The following GARIN5B variants were observed in gnomAD, a reference collection of about 807,000 sequenced individuals.
GARIN5B encodes Golgi-associated RAB2 interactor protein 5B.
the GARIN5B span, chr19:55,362,706 G>A: frequency 2.7e-5 from 41 of 1,539,386 alleles, no homozygotes; most frequent in South Asian, 2.1e-4. Flanking sequence ...TGTGATTCAC[G>A]AACACTGGGC....
chr19:55,357,487 C>T, the GARIN5B span, among the ~76,000 whole-genome samples: 17 of 152,314 alleles, frequency 1.1e-4, no homozygotes, highest in African/African-American at 2.4e-4. Flanking sequence ...CTGTTCCTTC[C>T]GCTGGGATGC....
the GARIN5B span, chr19:55,355,334 G>T: frequency 6.4e-7 from 1 of 1,550,612 alleles, no homozygotes; most frequent in Non-Finnish European, 8.7e-7. Flanking sequence ...GGAGTGCTGG[G>T]AGTGCTGCAG....
chr19:55,359,719 T>C, the GARIN5B span: 1 of 1,551,404 alleles, frequency 6.4e-7, no homozygotes, highest in Non-Finnish European at 8.7e-7. Flanking sequence ...GCCCGGCCTT[T>C]TCCCTGCCCC....
chr19:55,360,069 A>G, the GARIN5B span: 2 of 1,274,204 alleles, frequency 1.6e-6, no homozygotes, highest in African/African-American at 1.5e-5. Flanking sequence ...CTCCTCCCTC[A>G]GACTCAGGAG....
chr19:55,360,889 G>C, the GARIN5B span: 1 of 1,544,264 alleles, frequency 6.5e-7, no homozygotes, highest in Non-Finnish European at 8.8e-7. Context: ...CTGTCGGGGC[G>C]GGGGTCTGAG....
the GARIN5B span, chr19:55,361,094 G>A: frequency 2.6e-5 from 41 of 1,551,112 alleles, no homozygotes; most frequent in East Asian, 1.5e-4. Context: ...TTGAAACTGC[G>A]CTTGAGCGCC....
At chr19:55,362,163 C>T in the GARIN5B span, 3 of 1,434,496 alleles carry the variant, frequency 2.1e-6, no homozygotes, top group Non-Finnish European at 2.7e-6. Context: ...AGACTTTGGG[C>T]TCTTGGTCGC....
the GARIN5B span, chr19:55,362,526 T>G: frequency 2.0e-6 from 3 of 1,527,490 alleles, no homozygotes; most frequent in Non-Finnish European, 2.6e-6. Flanking sequence ...GAGGGGAGCG[T>G]CTAGAGCAGG....
the GARIN5B span, chr19:55,359,266 G>T: frequency 1.9e-6 from 3 of 1,550,944 alleles, no homozygotes; most frequent in African/African-American, 1.4e-5. Flanking sequence ...TCTGGGATGG[G>T]GCAGGGAGGA....
chr19:55,356,086 C>G, the GARIN5B span, among the ~76,000 whole-genome samples: 3 of 151,984 alleles, frequency 2.0e-5, no homozygotes, highest in African/African-American at 7.3e-5. Context: ...GATCACACCG[C>G]TGCACTCTAG....
chr19:55,360,833 G>A, the GARIN5B span: 4 of 1,548,108 alleles, frequency 2.6e-6, no homozygotes, highest in Non-Finnish European at 3.5e-6. Flanking sequence ...GTGGCAAGGG[G>A]TGGGGTGGGT....
chr19:55,359,767 C>CG, the GARIN5B span: 3 of 1,551,284 alleles, frequency 1.9e-6, no homozygotes, highest in Admixed American at 2.0e-5. Context: ...GGCAGGCAGC[C>CG]GGGGGATAGG....
At chr19:55,359,839 G>A in the GARIN5B span, 2 of 1,551,536 alleles carry the variant, frequency 1.3e-6, no homozygotes, top group Middle Eastern at 3.3e-4. Flanking sequence ...GGTCTTCCGT[G>A]TCCTGATGCC....
the GARIN5B span, chr19:55,358,505 C>A: frequency 9.8e-6 from 15 of 1,533,658 alleles, no homozygotes; most frequent in Non-Finnish European, 1.2e-5. Flanking sequence ...CTTGGGGTCC[C>A]AGGGTGGCTC....
the GARIN5B span, chr19:55,361,133 C>A: frequency 8.4e-6 from 13 of 1,551,130 alleles, no homozygotes; most frequent in Non-Finnish European, 1.1e-5. Context: ...GACGGTTAGA[C>A]AGGGGCAGCC....
the GARIN5B span, chr19:55,362,944 C>G: frequency 2.0e-6 from 3 of 1,505,196 alleles, no homozygotes; most frequent in African/African-American, 1.4e-5. Context: ...CGAACATGGG[C>G]AGCGGACGGA....
At chr19:55,360,821 C>T in the GARIN5B span, 1 of 1,550,848 alleles carries the variant, frequency 6.4e-7, no homozygotes, top group African/African-American at 1.4e-5. Flanking sequence ...GAGCCACACA[C>T]TGTGGCAAGG....
At chr19:55,358,784 G>A in the GARIN5B span, 6 of 1,549,294 alleles carry the variant, frequency 3.9e-6, no homozygotes, top group Admixed American at 2.0e-5. Flanking sequence ...GAGGGTGAGC[G>A]CTTCCACAGA....
At chr19:55,359,621 A>G in the GARIN5B span, 1 of 1,550,840 alleles carries the variant, frequency 6.4e-7, no homozygotes, top group Non-Finnish European at 8.7e-7. Flanking sequence ...GGACTGGTCA[A>G]CAAGGAACGG....
Sources: gnomAD v4.1 joint callset for allele counts (sites outside exome capture counted in the v4.1 genomes callset) on GRCh38, gnomAD v4.1.1 for gene constraint, MANE v1.5 for transcripts, NCBI Gene and HGNC (gene_info 2026-07-23, HGNC 2026-07-21) for gene names.